The following TNKS variants were observed in gnomAD, a reference collection of about 807,000 sequenced individuals.
TNKS encodes the protein poly [ADP-ribose] polymerase tankyrase-1.
TNKS carries 72 observed loss-of-function variants against 135.8 expected under a neutral mutation model. That is an observed-to-expected ratio of 0.53 (90% CI 0.44 to 0.64). TNKS has a LOEUF of 0.64. Among genes scored for constraint, TNKS ranks in the 30% least tolerant of loss-of-function variants. The pLI is 0.00. For missense variants in TNKS, 1,769 were observed against 1,674.0 expected (o/e 1.06, Z -0.99); for synonymous variants, 849 against 649.3 (o/e 1.31, Z -4.68).
At chr8:9,650,118 C>T (rs1017052468) in intron 3 of TNKS, among the ~76,000 whole-genome samples, 4 of 151,960 alleles carry the variant, frequency 2.6e-5, no homozygotes, top group South Asian at 2.1e-4. Flanking sequence ...TTTCAAATTC[C>T]TGACCTCAGG....
intron 2 of TNKS, among the ~76,000 whole-genome samples, chr8:9,584,067 G>A (rs1235532402): frequency 1.3e-5 from 2 of 151,134 alleles, no homozygotes; most frequent in Non-Finnish European, 2.9e-5. Context: ...GGGAGGCTGA[G>A]GCAGGAGAAT....
chr8:9,606,616 T>A (rs1336816491), intron 2 of TNKS, among the ~76,000 whole-genome samples: 3 of 152,154 alleles, frequency 2.0e-5, no homozygotes, highest in Non-Finnish European at 4.4e-5. Flanking sequence ...TCTTTAAGTC[T>A]TTGAAATTTT....
intron 3 of TNKS, among the ~76,000 whole-genome samples, chr8:9,669,308 C>T (rs1236656526): frequency 2.0e-5 from 3 of 151,166 alleles, no homozygotes; most frequent in African/African-American, 4.9e-5. Context: ...GTCCCAGCTA[C>T]TCGGGAGGCT....
chr8:9,609,902 G>A (rs900711547), intron 2 of TNKS, among the ~76,000 whole-genome samples: 2 of 151,856 alleles, frequency 1.3e-5, no homozygotes, highest in Non-Finnish European at 2.9e-5. Context: ...CTGTCGGCCA[G>A]GCTGGAGTGC....
chr8:9,768,706 T>A (rs968577465), intron 25 of TNKS, among the ~76,000 whole-genome samples: 5 of 152,222 alleles, frequency 3.3e-5, no homozygotes, highest in Non-Finnish European at 7.3e-5. Flanking sequence ...CGTAAGAGAC[T>A]AGCAGAATCT....
At chr8:9,589,667 A>T (rs1375013901) in intron 2 of TNKS, among the ~76,000 whole-genome samples, 1 of 152,240 alleles carries the variant, frequency 6.6e-6, no homozygotes, top group Non-Finnish European at 1.5e-5. Context: ...GGGCCTCACC[A>T]CTATACATAG....
chr8:9,627,548 C>A (rs1800109120), intron 3 of TNKS, among the ~76,000 whole-genome samples: 1 of 118,184 alleles, frequency 8.5e-6, no homozygotes, highest in African/African-American at 3.8e-5. Context: ...AAATTGCTTG[C>A]TTGCTTGCTT....
intron 2 of TNKS, among the ~76,000 whole-genome samples, chr8:9,611,827 T>G (rs1412994427): frequency 6.6e-6 from 1 of 152,212 alleles, no homozygotes; most frequent in Non-Finnish European, 1.5e-5. Flanking sequence ...CATTTAAGAA[T>G]GTGTCTGATA....
At chr8:9,692,223 T>A (rs1285054766) in intron 5 of TNKS, among the ~76,000 whole-genome samples, 5 of 152,188 alleles carry the variant, frequency 3.3e-5, no homozygotes, top group Non-Finnish European at 5.9e-5. Context: ...CAGTCCCCGG[T>A]GCCTGTTTTC....
chr8:9,578,546 A>G (rs4841173), intron 1 of TNKS, among the ~76,000 whole-genome samples: 42,000 of 152,120 alleles, frequency 0.28, 6,132 homozygotes, highest in East Asian at 0.38. Flanking sequence ...GTGGAAATGT[A>G]TGCTTTACTT....
At chr8:9,621,665 T>A (rs1158396060) in intron 3 of TNKS, among the ~76,000 whole-genome samples, 2 of 152,196 alleles carry the variant, frequency 1.3e-5, no homozygotes, top group Admixed American at 6.5e-5. Context: ...CCTGGCATAT[T>A]GCATACCATG....
At chr8:9,703,103 C>T (rs991372188) in intron 5 of TNKS, among the ~76,000 whole-genome samples, 4 of 152,094 alleles carry the variant, frequency 2.6e-5, no homozygotes, top group Non-Finnish European at 4.4e-5. Flanking sequence ...CGGGAGATAA[C>T]GTTTCAGGAG....
At chr8:9,634,191 G>A (rs1208238682) in intron 3 of TNKS, among the ~76,000 whole-genome samples, 4 of 151,552 alleles carry the variant, frequency 2.6e-5, no homozygotes, top group Admixed American at 6.6e-5. Context: ...TGAGAACAGA[G>A]GGTAGATAAG....
intron 16 of TNKS, 75 bp from the exon 17 acceptor site, chr8:9,735,302 G>T (rs1256645253): frequency 1.5e-6 from 2 of 1,355,228 alleles, no homozygotes; most frequent in Middle Eastern, 1.8e-4. Flanking sequence ...AACATTTTCT[G>T]GTCCTTATTA....
At chr8:9,750,769 T>G (rs1806480652) in intron 18 of TNKS, among the ~76,000 whole-genome samples, 1 of 152,212 alleles carries the variant, frequency 6.6e-6, no homozygotes, top group Non-Finnish European at 1.5e-5. Context: ...TTCTCACACG[T>G]CTGGGAGTTG....
chr8:9,680,431 T>G (rs1393095695), intron 4 of TNKS, among the ~76,000 whole-genome samples: 1 of 152,214 alleles, frequency 6.6e-6, no homozygotes, highest in East Asian at 1.9e-4. Flanking sequence ...CTCCAACGTT[T>G]TAGTCTATTT....
chr8:9,688,553 TCA>T (rs955552203), intron 5 of TNKS, among the ~76,000 whole-genome samples: 2 of 152,228 alleles, frequency 1.3e-5, no homozygotes, highest in African/African-American at 4.8e-5. Flanking sequence ...AATTTATTTC[TCA>T]CAGTTCTAAA....
chr8:9,672,994 A>G (rs1005149640), intron 3 of TNKS, among the ~76,000 whole-genome samples: 6 of 152,236 alleles, frequency 3.9e-5, no homozygotes, highest in Admixed American at 2.0e-4. Context: ...CCCACTGGTT[A>G]ACAGCTTCTA....
rs1052368546 is a variant in TNKS at position 9,559,438 on chromosome 8, A to AT, written c.673+2835dup. Among the ~76,000 whole-genome samples, 5 of 151,764 alleles carry AT rather than the reference A, an allele frequency of 3.3e-5. No homozygotes were observed. In the South Asian group the frequency reaches 6.3e-4, roughly 19 times the overall value. On this transcript the variant is annotated intron_variant, in intron 1 of 26. Transcript: ENST00000310430. ...CAGTTCTATAGAATGAAATGAAACA[A>AT]TTTTTTTTTCTTTCCAACTTTTAGG...
Sources: allele counts gnomAD v4.1 joint callset (sites outside exome capture counted in the v4.1 genomes callset), GRCh38; gene constraint gnomAD v4.1.1; transcripts MANE v1.5; gene names NCBI Gene and HGNC (gene_info 2026-07-23, HGNC 2026-07-21).